The following TMEM117 variants were observed in gnomAD, a reference collection of about 807,000 sequenced individuals.
TMEM117 encodes the protein transmembrane protein 117.
In TMEM117, 27 loss-of-function variants were observed where a neutral mutation model predicts 52.4. The ratio of observed to expected loss-of-function variants is 0.51; its 90% CI spans 0.38 to 0.71. The LOEUF is 0.71. TMEM117 is among the 30% of genes least tolerant of loss of function. The pLI is 0.00. For synonymous variants in TMEM117, 215 were observed against 206.3 expected (o/e 1.04, Z -0.36); for missense variants, 556 against 630.5 (o/e 0.88, Z 1.26).
chr12:44,024,911 TACAG>T (rs149402269), intron 3 of TMEM117, among the ~76,000 whole-genome samples: 5,452 of 152,142 alleles, frequency 0.036, 204 homozygotes, highest in African/African-American at 0.092. Flanking sequence ...TACATATACA[TACAG>T]AGAGAGAGAG....
chr12:44,127,755 A>G (rs1267576999), intron 3 of TMEM117, among the ~76,000 whole-genome samples: 1 of 152,194 alleles, frequency 6.6e-6, no homozygotes, highest in Non-Finnish European at 1.5e-5. Flanking sequence ...AAGGCTGCAG[A>G]AGCAAAAATT....
At chr12:43,859,416 T>C (rs1943451300) in intron 2 of TMEM117, among the ~76,000 whole-genome samples, 1 of 152,122 alleles carries the variant, frequency 6.6e-6, no homozygotes, top group African/African-American at 2.4e-5. Flanking sequence ...ATTTGGGAGC[T>C]TAAAATTCAT....
chr12:44,166,158 T>C (rs552366980), intron 4 of TMEM117, among the ~76,000 whole-genome samples: 45 of 152,198 alleles, frequency 3.0e-4, no homozygotes, highest in African/African-American at 1.0e-3. Context: ...GAAATAAAAA[T>C]AGTTCTTGAA....
At chr12:44,212,122 C>T (rs1592609861) in intron 5 of TMEM117, among the ~76,000 whole-genome samples, 1 of 152,124 alleles carries the variant, frequency 6.6e-6, no homozygotes, top group Non-Finnish European at 1.5e-5. Flanking sequence ...TTTGCTTTCC[C>T]TGGTTTCAGT....
At chr12:43,885,761 G>A (rs1391231749) in intron 2 of TMEM117, among the ~76,000 whole-genome samples, 1 of 152,114 alleles carries the variant, frequency 6.6e-6, no homozygotes, top group East Asian at 1.9e-4. Context: ...CAGTAATACA[G>A]ATATGCACAG....
chr12:43,924,353 G>T (rs936965982), intron 2 of TMEM117, among the ~76,000 whole-genome samples: 4 of 151,972 alleles, frequency 2.6e-5, no homozygotes, highest in Non-Finnish European at 5.9e-5. Context: ...TAACTCCTTT[G>T]TCTATTATTT....
At chr12:44,289,273 T>C (rs1050635192) in intron 5 of TMEM117, among the ~76,000 whole-genome samples, 2 of 150,920 alleles carry the variant, frequency 1.3e-5, no homozygotes, top group South Asian at 2.1e-4. Context: ...GTGTAACATT[T>C]TCTTTCTTCA....
chr12:44,122,822 C>T (rs966107305), intron 3 of TMEM117, among the ~76,000 whole-genome samples: 1 of 152,114 alleles, frequency 6.6e-6, no homozygotes. Context: ...AGTTGATGGG[C>T]ATTTAGGTTG....
At chr12:44,021,190 C>T (rs1946450069) in intron 3 of TMEM117, among the ~76,000 whole-genome samples, 1 of 152,026 alleles carries the variant, frequency 6.6e-6, no homozygotes, top group South Asian at 2.1e-4. Context: ...GTTTGTTGTA[C>T]AGATTATTTC....
At chr12:44,316,512 A>AT (rs1045495995) in intron 6 of TMEM117, among the ~76,000 whole-genome samples, 11 of 151,822 alleles carry the variant, frequency 7.2e-5, no homozygotes, top group African/African-American at 2.4e-4. Context: ...TGCCTTTAAG[A>AT]TTTTTTCTTT....
chr12:44,147,217 C>G (rs1948655746), intron 4 of TMEM117, among the ~76,000 whole-genome samples: 1 of 152,148 alleles, frequency 6.6e-6, no homozygotes, highest in Non-Finnish European at 1.5e-5. Context: ...GAGAAAAGCG[C>G]TGTCATGAAG....
At chr12:43,929,417 A>G (rs1334534327) in intron 2 of TMEM117, among the ~76,000 whole-genome samples, 1 of 152,182 alleles carries the variant, frequency 6.6e-6, no homozygotes, top group Non-Finnish European at 1.5e-5. Flanking sequence ...TTTAATTAAT[A>G]TTGCCAACAA....
At chr12:44,163,246 T>A (rs190794861) in intron 4 of TMEM117, among the ~76,000 whole-genome samples, 1 of 152,338 alleles carries the variant, frequency 6.6e-6, no homozygotes, top group Admixed American at 6.5e-5. Context: ...CTGCATTATT[T>A]TTAAATTGCC....
intron 5 of TMEM117, among the ~76,000 whole-genome samples, chr12:44,288,831 T>C (rs769996291): frequency 3.3e-5 from 5 of 152,210 alleles, no homozygotes; most frequent in Admixed American, 6.5e-5. Context: ...ATATTCATCA[T>C]ACATAGTTAA....
At chr12:44,005,954 C>A (rs1312491553) in intron 3 of TMEM117, among the ~76,000 whole-genome samples, 1 of 152,206 alleles carries the variant, frequency 6.6e-6, no homozygotes, top group East Asian at 1.9e-4. Flanking sequence ...GATTGTGAGG[C>A]ATCCCCAATT....
At chr12:43,880,245 C>CT (rs1943873102) in intron 2 of TMEM117, among the ~76,000 whole-genome samples, 1 of 152,082 alleles carries the variant, frequency 6.6e-6, no homozygotes, top group South Asian at 2.1e-4. Context: ...GCATTGTTTT[C>CT]TTTATCAGGG....
chr12:43,913,289 A>T (rs1442238807), intron 2 of TMEM117, among the ~76,000 whole-genome samples: 1 of 152,174 alleles, frequency 6.6e-6, no homozygotes, highest in Admixed American at 6.5e-5. Context: ...CATCTGCTTC[A>T]TTCTTCACCA....
At chr12:44,351,922 G>C (rs913454955) in intron 6 of TMEM117, among the ~76,000 whole-genome samples, 4 of 151,804 alleles carry the variant, frequency 2.6e-5, no homozygotes, top group Non-Finnish European at 5.9e-5. Flanking sequence ...GGCATTAGTA[G>C]ATATATCACC....
At chr12:44,064,691 T>C (rs569716233) in intron 3 of TMEM117, among the ~76,000 whole-genome samples, 1 of 152,350 alleles carries the variant, frequency 6.6e-6, no homozygotes, top group East Asian at 1.9e-4. Flanking sequence ...TTTTTGTTTC[T>C]ATCCTTGGTT....
Sources: allele counts gnomAD v4.1 joint callset (sites outside exome capture counted in the v4.1 genomes callset), GRCh38; gene constraint gnomAD v4.1.1; transcripts MANE v1.5; gene names NCBI Gene and HGNC (gene_info 2026-07-23, HGNC 2026-07-21).